GRM6: variants seen among roughly 807,000 people sequenced by gnomAD.
The protein encoded by GRM6 is glutamate metabotropic receptor 6.
In GRM6, 73 loss-of-function variants were observed where a neutral mutation model predicts 78.4. The ratio of observed to expected loss-of-function variants is 0.93; its 90% CI spans 0.77 to 1.13. The LOEUF (loss-of-function observed/expected upper bound fraction) is 1.13. Among genes scored for constraint, GRM6 ranks in the 50% most tolerant of loss-of-function variants. The pLI is 0.00. For missense variants in GRM6, 1,251 were observed against 1,256.4 expected (o/e 1.00, Z 0.07); for synonymous variants, 580 against 555.0 (o/e 1.05, Z -0.63).
chr5:178,989,722 A>G (rs892389021), intron 5 of GRM6: 2 of 450,224 alleles, frequency 4.4e-6, no homozygotes, highest in African/African-American at 4.0e-5. Flanking sequence ...AAAGACTTTT[A>G]TCCCTGCTCC....
In GRM6 at chr5:178,994,780, C is replaced by A. The variant is rs1201547779; in HGVS notation, c.165G>T (p.Arg55=). The change falls in exon 2 of 11, where the codon CGG becomes CGT. Residue 55 remains arginine (R), a synonymous_variant. Transcript: ENST00000517717. ...FPVHARGAAG[R]ACGQLKKEQG... ...GCTCCTTCTTCAGCTGCCCGCACGC[C>A]CGGCCCGCCGCGCCCCGCGCGTGCA... 1 of 1,345,622 alleles carries A rather than the reference C, an allele frequency of 7.4e-7. No individual in the cohort carries two copies. Among genetic ancestry groups the A allele is most frequent in the Non-Finnish European group, 9.6e-7 (1 of 1,042,342 alleles). The allele number at this position is 1,345,622 out of a possible 1,614,324, so 83.4% of individuals were successfully genotyped here.
In GRM6 at chr5:178,991,877, G is replaced by C. The variant is rs1296421545; in HGVS notation, c.711C>G (p.Ser237=). Residue 237 remains serine, a synonymous_variant, in exon 3 of 11, where the codon TCC becomes TCG. Transcript: ENST00000517717. This position sits in a 1 kb window ranked among gnomAD's most constrained non-coding sequence, Gnocchi z 5.0. The stretch of plus-strand genomic sequence containing the variant: ...GAGCCCCCAGCTCACCAGCCTCTCG[G>C]GAGATCTGAACGAAGGCCTCAACCC... The part of the protein sequence containing the change: ...ESGVEAFVQI[S]REAGGVCIAQ... 1 of 1,613,558 alleles carries C rather than the reference G, an allele frequency of 6.2e-7. No homozygotes were observed. The highest frequency in any genetic ancestry group is 8.5e-7 in the Non-Finnish European group (1 of 1,179,754).
rs1760395848 is a variant in GRM6 at position 178,981,591 on chromosome 5, A to G, written c.*66T>C. ...TTCACCGTGGACCCGGGCTCTATAC[A>G]GCTTCCACCTCGAGGCAAGAGGAAG... On this transcript the variant is annotated 3_prime_UTR_variant, in exon 11 of 11. Transcript: ENST00000517717. This position sits in a 1 kb window ranked among gnomAD's most constrained non-coding sequence, Gnocchi z 5.1. The G allele has an allele frequency of 7.8e-6, 10 of 1,280,052 alleles. No homozygotes were observed. Among genetic ancestry groups the G allele is most frequent in the Non-Finnish European group, 1.1e-5 (10 of 882,308 alleles). The allele number at this position is 1,280,052 out of a possible 1,614,324, so 79.3% of individuals were successfully genotyped here.
rs770213478 is a variant in GRM6, at chr5:178,991,605, C to T, written c.722-46G>A. The T allele has an allele frequency of 8.9e-5, 143 of 1,604,296 alleles. No homozygotes were observed. The highest frequency in any genetic ancestry group is 1.2e-4 in the Non-Finnish European group (137 of 1,172,382). Reference sequence around the variant, plus strand: ...AGTCAGCTTCCGTCCCACCCACCCACACACCCACCTGGCCACCGCTGCAGA... The same window carrying T: ...AGTCAGCTTCCGTCCCACCCACCCATACACCCACCTGGCCACCGCTGCAGA... On this transcript the variant is annotated intron_variant, in intron 3 of 10. Transcript: ENST00000517717. This position sits in a 1 kb window ranked among gnomAD's most constrained non-coding sequence, Gnocchi z 5.0.
In GRM6 at chr5:178,991,592, T is replaced by TCCCA; in HGVS notation, c.722-37_722-34dup. 2 of 1,605,624 alleles carry TCCCA rather than the reference T, an allele frequency of 1.2e-6. No homozygotes were observed. Among genetic ancestry groups the TCCCA allele is most frequent in the Non-Finnish European group, 1.7e-6 (2 of 1,173,438 alleles). On this transcript the variant is annotated intron_variant, in intron 3 of 10. Transcript: ENST00000517717. The surrounding 1 kb of genome is among the most constrained non-coding windows in gnomAD (Gnocchi z 5.0). Reference sequence around the variant, plus strand: ...TTGGGGGTGCCAGAGTCAGCTTCCGTCCCACCCACCCACACACCCACCTGG... The same window carrying TCCCA: ...TTGGGGGTGCCAGAGTCAGCTTCCGTCCCACCCACCCACCCACACACCCACCTGG...
rs565779983 is a variant in GRM6, at chr5:178,991,626, G to A, written c.722-67C>T. On this transcript the variant is annotated intron_variant, in intron 3 of 10. Coordinates refer to ENST00000517717, the MANE Select transcript of GRM6 (RefSeq NM_000843.4). This position sits in a 1 kb window ranked among gnomAD's most constrained non-coding sequence, Gnocchi z 5.0. ...CCCACACACCCACCTGGCCACCGCT[G>A]CAGAGGACTGTGTAGGCTGGCTGAA... is the stretch of plus-strand genomic sequence containing the variant. The A allele has an allele frequency of 4.5e-6, 7 of 1,547,456 alleles. No individual in the cohort carries two copies. The African/African-American group carries it at 8.1e-5, about 18-fold the overall frequency.
At chr5:178,989,693 C>G in intron 5 of GRM6, 1 of 520,382 alleles carries the variant, frequency 1.9e-6, no homozygotes, top group South Asian at 2.1e-5. Flanking sequence ...CTGATGCAAA[C>G]TCAGAGCCTC....
In GRM6 at chr5:178,989,354, A is replaced by G. The variant is rs1760631602; in HGVS notation, c.1064T>C (p.Ile355Thr). 2.5e-6 allele frequency: 4 copies of G among 1,613,950 alleles called. No homozygotes were observed. Among genetic ancestry groups the G allele is most frequent in the Non-Finnish European group, 2.5e-6 (3 of 1,179,884 alleles). The part of the protein sequence containing the change: ...TRSLENNRRN[I>T]WFAEFWEENF... ...CTCTTCCCAGAACTCGGCGAACCAG[A>G]TGTTCCTGCGGTTGTTCTCCAGGGA... The change falls in exon 6 of 11, where the codon ATC (isoleucine) becomes ACC (threonine). Residue 355 changes from isoleucine to threonine, a missense_variant. Transcript: ENST00000517717.
chr5:178,985,510 TG>T lies in GRM6; in HGVS notation c.2124+619del, dbSNP rs1406405105. ...CGAGGTCAGGAGATCGAGACCATCC[TG>T]GCTAACACGGTGAAGCCCTGTCTCT... On this transcript the variant is annotated intron_variant, in intron 9 of 10. Transcript: ENST00000517717. The T allele has an allele frequency of 2.7e-4, 91 of 337,134 alleles. 4 individuals carry two copies. The Middle Eastern group carries it at 0.01, about 38-fold the overall frequency. The allele number at this position is 337,134 out of a possible 1,614,324, so 20.9% of individuals were successfully genotyped here.
intron 6 of GRM6, 54 bp downstream of exon 6, chr5:178,989,211 A>ACCCCC: frequency 1.6e-5 from 2 of 121,714 alleles, no homozygotes; most frequent in Non-Finnish European, 2.6e-5. Flanking sequence ...CCCCCTCCCC[A>ACCCCC]CCCTCACCAC....
chr5:178,980,007 G>A lies in GRM6; in HGVS notation c.*1650C>T, dbSNP rs1760359513. The A allele has an allele frequency of 6.5e-6, 1 of 154,326 alleles. No homozygotes were observed. Among genetic ancestry groups the A allele is most frequent in the Admixed American group, 6.5e-5 (1 of 15,288 alleles). 9.6% of individuals were successfully genotyped at this position (154,326 alleles called of 1,614,324 possible). A position where few individuals can be genotyped will look rare whatever the true frequency, so the allele number is the denominator to read the frequency against. ...ACGTCCTAATGTGCACTATAGAGAA[G>A]CCCTAGGAACACAACAAATGTGGAG... On this transcript the variant is annotated 3_prime_UTR_variant, in exon 11 of 11. Transcript: ENST00000517717. This position sits in a 1 kb window ranked among gnomAD's most constrained non-coding sequence, Gnocchi z 4.3.
chr5:178,987,040 T>C, intron 7 of GRM6, 57 bp from the exon 8 acceptor site: 2 of 1,560,984 alleles, frequency 1.3e-6, no homozygotes, highest in Non-Finnish European at 8.8e-7. Context: ...GCTGGCCTCC[T>C]GGGGAGGCCC....
intron 10 of GRM6, among the ~76,000 whole-genome samples, chr5:178,982,470 G>T (rs1290275249): frequency 1.3e-5 from 2 of 151,102 alleles, no homozygotes; most frequent in Non-Finnish European, 2.9e-5. Context: ...CCCAGCTACG[G>T]GGGAGGCTGA....
chr5:178,986,448 C>T lies in GRM6; in HGVS notation c.1806G>A (p.Thr602=), dbSNP rs776619380. ...TGTACCGCACGAAGGTGGCCACCACCGTGGTAGTGGCCACGATGCCCAGCA... is the reference window on the plus strand; with the variant it reads ...TGTACCGCACGAAGGTGGCCACCACTGTGGTAGTGGCCACGATGCCCAGCA... ...LAVLGIVATT[T]VVATFVRYNN... The change falls in exon 9 of 11, where the codon ACG becomes ACA. Residue 602 remains threonine (T), a synonymous_variant. Transcript: ENST00000517717. 8.7e-6 allele frequency: 14 copies of T among 1,613,152 alleles called. No homozygotes were observed. Among genetic ancestry groups the T allele is most frequent in the East Asian group, 4.5e-5 (2 of 44,854 alleles).
At chr5:178,990,781 G>A (rs1238401796) in intron 4 of GRM6, 35 bp from the exon 5 acceptor site, 1 of 1,534,332 alleles carries the variant, frequency 6.5e-7, no homozygotes, top group East Asian at 2.4e-5. Flanking sequence ...GGGAGGGCCT[G>A]GGAGCCTCCT....
chr5:178,988,863 TC>T lies in GRM6; in HGVS notation c.1354+71del. The stretch of plus-strand genomic sequence containing the variant: ...ACCCAGCCCTTCCACCCTGAGGTTG[TC>T]CCAGGCCTCACAGCAAAATCCAGCC... On this transcript the variant is annotated intron_variant, in intron 7 of 10. Transcript: ENST00000517717. The surrounding 1 kb of genome is among the most constrained non-coding windows in gnomAD (Gnocchi z 6.0). 6 of 1,280,448 alleles carry T rather than the reference TC, an allele frequency of 4.7e-6. No individual in the cohort carries two copies. Among genetic ancestry groups the T allele is most frequent in the Non-Finnish European group, 6.7e-6 (6 of 893,982 alleles). 79.3% of individuals were successfully genotyped at this position (1,280,448 alleles called of 1,614,324 possible). A position where few individuals can be genotyped will look rare whatever the true frequency, so the allele number is the denominator to read the frequency against.
rs780673214 is a variant in GRM6 at position 178,986,192 on chromosome 5, G to T, written c.2062C>A (p.Pro688Thr). The change falls in exon 9 of 11, where the codon CCC (proline) becomes ACC (threonine). Residue 688 changes from proline (P) to threonine (T), a missense_variant. By Grantham distance (38) the Pro-to-Thr change is conservative (BLOSUM62 -1). Coordinates refer to ENST00000517717, the MANE Select transcript of GRM6 (RefSeq NM_000843.4). ...IFEQGKRSVT[P>T]PPFISPTSQL... ...GAGGTGGGGCTGATGAAGGGAGGGG[G>T]TGTGACCGAGCGCTTGCCCTGCTCA... The T allele has an allele frequency of 6.2e-7, 1 of 1,614,118 alleles. No homozygotes were observed. The highest frequency in any genetic ancestry group is 8.5e-7 in the Non-Finnish European group (1 of 1,179,980).
chr5:178,986,619 C>T lies in GRM6; in HGVS notation c.1635G>A (p.Gly545=). The T allele has an allele frequency of 6.2e-7, 1 of 1,603,482 alleles. No individual in the cohort carries two copies. Among genetic ancestry groups the T allele is most frequent in the Non-Finnish European group, 8.5e-7 (1 of 1,179,898 alleles). The stretch of plus-strand genomic sequence containing the variant: ...TGAACTCGTCCACCTGGAAGCGGTA[C>T]CCGTCACAGGCCTCGCAGTGCCAAC... ...PCCWHCEACD[G]YRFQVDEFTC... The change falls in exon 9 of 11, where the codon GGG becomes GGA. Residue 545 remains glycine (G), a synonymous_variant. Transcript: ENST00000517717.
At chr5:178,987,607 A>G in intron 7 of GRM6, 1 of 374,284 alleles carries the variant, frequency 2.7e-6, no homozygotes, top group Non-Finnish European at 5.3e-6. Flanking sequence ...CCGAGGGTAG[A>G]CAATTCATAG....
Sources: gnomAD v4.1 joint callset for allele counts (sites outside exome capture counted in the v4.1 genomes callset) on GRCh38, gnomAD v4.1.1 for gene constraint, Gnocchi (gnomAD v3.1) non-coding constraint, MANE v1.5 for transcripts, NCBI Gene and HGNC (gene_info 2026-07-23, HGNC 2026-07-21) for gene names.